The following PCDH15 variants were observed in gnomAD, a reference collection of about 807,000 sequenced individuals.
PCDH15 encodes protocadherin related 15.
A neutral mutation model predicts 178.5 loss-of-function variants in PCDH15; 129 were observed. That is an observed-to-expected ratio of 0.72 (90% CI 0.63 to 0.84). PCDH15 has a LOEUF of 0.84. Ranked by LOEUF, PCDH15 falls within the 40% of genes least tolerant of loss-of-function variation. The probability of loss-of-function intolerance (pLI) is 0.00; values close to 1 mark genes in which losing one functional copy is unlikely to be tolerated. For synonymous variants in PCDH15, 800 were observed against 732.0 expected (o/e 1.09, Z -1.50); for missense variants, 2,230 against 2,099.9 (o/e 1.06, Z -1.21).
chr10:54,356,450 C>A (rs1384008147), intron 5 of PCDH15, among the ~76,000 whole-genome samples: 2 of 151,698 alleles, frequency 1.3e-5, no homozygotes, highest in Non-Finnish European at 2.9e-5. Flanking sequence ...ATATTTTCAA[C>A]TTAATTTTCA....
At chr10:55,074,767 G>A (rs1246637598) in intron 2 of PCDH15, among the ~76,000 whole-genome samples, 1 of 152,118 alleles carries the variant, frequency 6.6e-6, no homozygotes, top group Non-Finnish European at 1.5e-5. Context: ...TGCTTTTGGC[G>A]ATTTCCTCAT....
intron 1 of PCDH15, among the ~76,000 whole-genome samples, chr10:55,193,192 C>G (rs1216381130): frequency 2.6e-5 from 4 of 151,568 alleles, no homozygotes; most frequent in Non-Finnish European, 4.4e-5. Flanking sequence ...GTCAGAAATT[C>G]TAGGGTGGCT....
At chr10:54,182,757 G>A (rs2048115172) in intron 13 of PCDH15, among the ~76,000 whole-genome samples, 1 of 151,748 alleles carries the variant, frequency 6.6e-6, no homozygotes, top group Non-Finnish European at 1.5e-5. Flanking sequence ...ATCTCCAAGT[G>A]AAATTTAATC....
chr10:55,297,221 T>C (rs1843156689), intron 1 of PCDH15, among the ~76,000 whole-genome samples: 1 of 152,014 alleles, frequency 6.6e-6, no homozygotes, highest in Non-Finnish European at 1.5e-5. Context: ...AGATTGGAAG[T>C]GATAAGCTGA....
chr10:54,568,835 C>G (rs544337741), intron 2 of PCDH15, among the ~76,000 whole-genome samples: 6 of 152,118 alleles, frequency 3.9e-5, no homozygotes, highest in African/African-American at 9.6e-5. Flanking sequence ...TTAAACTCAT[C>G]ATCATCATTC....
At position 54,997,046 on chromosome 10, in the gene PCDH15, T is replaced by G. The variant is rs1242026606; in HGVS notation, c.-79-99546A>C. Reference sequence around the variant, plus strand: ...ATTGCTTGAAGCCTGGAGGTGGAGGTTGCAGTGAGCTGAGATCGCACCACT... The same window carrying G: ...ATTGCTTGAAGCCTGGAGGTGGAGGGTGCAGTGAGCTGAGATCGCACCACT... On this transcript the variant is annotated intron_variant, in intron 2 of 5. Transcript: ENST00000458638. Among the ~76,000 whole-genome samples, 8 of 150,146 alleles carry G rather than the reference T, an allele frequency of 5.3e-5. No individual in the cohort carries two copies. In the South Asian group the frequency reaches 1.7e-3, roughly 32 times the overall value.
intron 1 of PCDH15, among the ~76,000 whole-genome samples, chr10:55,184,816 C>T (rs1006525266): frequency 4.6e-5 from 7 of 151,828 alleles, no homozygotes; most frequent in East Asian, 1.9e-4. Flanking sequence ...AGTTAAACCA[C>T]GGATATCAGT....
chr10:55,262,209 G>A (rs932400663), intron 1 of PCDH15, among the ~76,000 whole-genome samples: 49 of 147,244 alleles, frequency 3.3e-4, no homozygotes, highest in Non-Finnish European at 5.7e-4. Flanking sequence ...AAAAAGGAAG[G>A]AAAACAAAAG....
chr10:53,826,152 G>C (rs1419147949), intron 32 of PCDH15, among the ~76,000 whole-genome samples: 1 of 150,366 alleles, frequency 6.7e-6, no homozygotes, highest in East Asian at 2.0e-4. Context: ...AATTACAAAA[G>C]AAACAATCAT....
In PCDH15 at chr10:55,462,327, G is replaced by A. The variant is rs115514212; in HGVS notation, c.-156+165298C>T. 3.9e-3 allele frequency among the ~76,000 whole-genome samples: 600 copies of A among 152,116 alleles called. 4 individuals are homozygous for A. The highest frequency in any genetic ancestry group is 0.014 in the African/African-American group (573 of 41,502). Reference sequence around the variant, plus strand: ...TATCCTTTTGGTCAAATAAACCACAGGTCCTTCTGGATTTTTCTCATAGTA... The same window carrying A: ...TATCCTTTTGGTCAAATAAACCACAAGTCCTTCTGGATTTTTCTCATAGTA... On this transcript the variant is annotated intron_variant, in intron 2 of 5. Transcript: ENST00000613346.
chr10:54,235,167 T>C (rs1564749616), intron 9 of PCDH15, among the ~76,000 whole-genome samples: 2 of 152,178 alleles, frequency 1.3e-5, no homozygotes, highest in African/African-American at 4.8e-5. Flanking sequence ...CACTGCAACT[T>C]CTACTACAAT....
chr10:54,044,767 C>T (rs1386552913), intron 18 of PCDH15, among the ~76,000 whole-genome samples: 1 of 152,120 alleles, frequency 6.6e-6, no homozygotes, highest in African/African-American at 2.4e-5. Flanking sequence ...TTTATATAAT[C>T]TAAAAACATC....
At chr10:55,113,170 T>C (rs1037158779) in intron 2 of PCDH15, among the ~76,000 whole-genome samples, 10 of 152,198 alleles carry the variant, frequency 6.6e-5, no homozygotes, top group Non-Finnish European at 1.2e-4. Flanking sequence ...GGTATTTTGT[T>C]ACAGCAGCCT....
intron 2 of PCDH15, among the ~76,000 whole-genome samples, chr10:54,630,371 C>A (rs971468848): frequency 6.6e-6 from 1 of 152,114 alleles, no homozygotes; most frequent in African/African-American, 2.4e-5. Flanking sequence ...TACTTACAAC[C>A]ATTTGATCTT....
Position 55,517,096 on chromosome 10 carries a change from TAAAG to T in PCDH15, c.-156+110525_-156+110528del, listed in dbSNP as rs773503813. On this transcript the variant is annotated intron_variant, in intron 2 of 5. Transcript: ENST00000613346. ...AACTACTAAGGGTATTTGAAAAAGATAAAGAATATAAATAAAGAGGTTGAAAAAA... is the reference window on the plus strand; with the variant it reads ...AACTACTAAGGGTATTTGAAAAAGATAATATAAATAAAGAGGTTGAAAAAA... 2.6e-5 allele frequency among the ~76,000 whole-genome samples: 4 copies of T among 151,934 alleles called. No homozygotes were observed. In the East Asian group the frequency reaches 5.8e-4, roughly 22 times the overall value.
intron 23 of PCDH15, among the ~76,000 whole-genome samples, chr10:53,946,508 T>A (rs542942941): frequency 7.9e-5 from 12 of 152,344 alleles, no homozygotes; most frequent in African/African-American, 2.9e-4. Flanking sequence ...TGGACTGGCC[T>A]CTTTCCTTAT....
chr10:55,593,217 A>G (rs925905590), intron 2 of PCDH15, among the ~76,000 whole-genome samples: 5 of 152,080 alleles, frequency 3.3e-5, no homozygotes, highest in African/African-American at 1.2e-4. Flanking sequence ...AAGAAGATAG[A>G]ATAAAATTTC....
chr10:54,077,663 A>C (rs1590270854), intron 17 of PCDH15, among the ~76,000 whole-genome samples: 1 of 152,168 alleles, frequency 6.6e-6, no homozygotes, highest in Non-Finnish European at 1.5e-5. Context: ...CTTATTGCCT[A>C]GCCGAGTTAC....
intron 1 of PCDH15, among the ~76,000 whole-genome samples, chr10:55,282,544 A>G (rs917470014): frequency 1.3e-5 from 2 of 152,198 alleles, no homozygotes; most frequent in African/African-American, 4.8e-5. Flanking sequence ...GCTTTCTGAG[A>G]GTAAATTCAA....
Sources: gnomAD v4.1 joint callset for allele counts (sites outside exome capture counted in the v4.1 genomes callset) on GRCh38, gnomAD v4.1.1 for gene constraint, MANE v1.5 for transcripts, NCBI Gene and HGNC (gene_info 2026-07-23, HGNC 2026-07-21) for gene names.